BCR: variants seen among roughly 807,000 people sequenced by gnomAD.
The protein encoded by BCR is breakpoint cluster region protein.
A neutral mutation model predicts 138.6 loss-of-function variants in BCR; 58 were observed. The observed-to-expected ratio is 0.42, with a 90% CI of 0.34 to 0.52. The LOEUF (loss-of-function observed/expected upper bound fraction) is 0.52. Ranked by LOEUF, BCR falls within the 20% of genes least tolerant of loss-of-function variation. The probability of loss-of-function intolerance (pLI) is 0.06; values close to 1 mark genes in which losing one functional copy is unlikely to be tolerated. For synonymous variants in BCR, 786 were observed against 730.1 expected, an observed-to-expected ratio of 1.08 and a Z score of -1.23; for missense variants, 1,599 against 1,727.2, an observed-to-expected ratio of 0.93 and a Z score of 1.32.
chr22:23,278,038 T>G (rs550619791), intron 8 of BCR, among the ~76,000 whole-genome samples: 6 of 152,340 alleles, frequency 3.9e-5, no homozygotes, highest in African/African-American at 1.4e-4. Flanking sequence ...TTCTGAGGGC[T>G]GGTGGGTGGC....
Position 23,181,381 on chromosome 22 carries a change from G to T in BCR, c.421G>T (p.Glu141Ter). ...ARRPGAAASG[E>*]RDDRGPPASV... ...CAGGCCCGGGGCAGCCGCGTCGGGG[G>T]AACGGGACGACCGGGGACCCCCCGC... The change falls in exon 1 of 23, where the codon GAA (glutamate) becomes TAA (stop). Residue 141 changes from glutamate to a stop codon, truncating the protein, a stop_gained. Coordinates refer to ENST00000305877, the MANE Select transcript of BCR (RefSeq NM_004327.4). LOFTEE classifies it high-confidence loss of function. 6.5e-7 allele frequency: 1 copy of T among 1,538,530 alleles called. No individual in the cohort carries two copies.
At chr22:23,285,312 C>A (rs2073699724) in intron 10 of BCR, 111 bp downstream of exon 10, 2 of 1,196,554 alleles carry the variant, frequency 1.7e-6, no homozygotes, top group Non-Finnish European at 2.3e-6. Context: ...CAGGTCTGGT[C>A]TCTGGGACCC....
chr22:23,276,017 C>T (rs973522844), intron 8 of BCR, among the ~76,000 whole-genome samples: 24 of 152,170 alleles, frequency 1.6e-4, no homozygotes, highest in African/African-American at 5.6e-4. Flanking sequence ...CCTAGGCCCT[C>T]GTTCCTGCAT....
chr22:23,214,972 G>A (rs2072734463), intron 1 of BCR, among the ~76,000 whole-genome samples: 1 of 152,074 alleles, frequency 6.6e-6, no homozygotes, highest in Non-Finnish European at 1.5e-5. Context: ...CCCATTTATA[G>A]CCAGTAAACA....
At chr22:23,302,665 AG>A (rs1215454058) in intron 16 of BCR, 1 of 152,210 alleles carries the variant, frequency 6.6e-6, no homozygotes, top group African/African-American at 2.4e-5. Flanking sequence ...TCCACGGGGG[AG>A]AAAGAGGCCA....
intron 1 of BCR, among the ~76,000 whole-genome samples, chr22:23,195,512 G>A (rs1052542582): frequency 1.3e-5 from 2 of 151,382 alleles, no homozygotes; most frequent in African/African-American, 4.9e-5. Flanking sequence ...AGAATTGTTT[G>A]AACCCGAGAG....
rs781470082 is a variant in BCR, at chr22:23,309,451, G to C, written c.3040G>C (p.Asp1014His). 1 of 1,604,500 alleles carries C rather than the reference G, an allele frequency of 6.2e-7. No homozygotes were observed. The highest frequency in any genetic ancestry group is 1.1e-5 in the South Asian group (1 of 89,290). The change falls in exon 17 of 23, where the codon GAC becomes CAC. Residue 1014 changes from aspartate to histidine, a missense_variant. Physicochemically the swap from Asp to His is moderately conservative, Grantham distance 81 (BLOSUM62 -1). Coordinates refer to ENST00000305877, the MANE Select transcript of BCR (RefSeq NM_004327.4). The stretch of plus-strand genomic sequence containing the variant: ...GGACCCGCAGGCCCTGCAGGACAGA[G>C]ACTGGCAGCGCACCGTCATCGCCAT... ...QLDPQALQDR[D>H]WQRTVIAMNG... is the part of the protein sequence containing the mutation.
chr22:23,240,302 CGTGTGT>C (rs200491524), intron 1 of BCR, among the ~76,000 whole-genome samples: 48,910 of 143,942 alleles, frequency 0.34, 8,241 homozygotes, highest in Non-Finnish European at 0.39. Context: ...CCTGGCTGAT[CGTGTGT>C]GTGTGTGTGT....
intron 10 of BCR, among the ~76,000 whole-genome samples, chr22:23,285,934 C>T (rs1034902012): frequency 1.3e-5 from 2 of 152,214 alleles, no homozygotes; most frequent in Non-Finnish European, 2.9e-5. Context: ...CTCAGTCAGC[C>T]GGGCGGGAGA....
chr22:23,228,554 G>A (rs1568943567), intron 1 of BCR, among the ~76,000 whole-genome samples: 4 of 152,152 alleles, frequency 2.6e-5, no homozygotes, highest in South Asian at 4.1e-4. Flanking sequence ...AGGCCTTATA[G>A]GGCTAAGTCT....
chr22:23,236,966 A>C (rs1050037826), intron 1 of BCR, among the ~76,000 whole-genome samples: 2 of 152,198 alleles, frequency 1.3e-5, no homozygotes, highest in African/African-American at 4.8e-5. Flanking sequence ...GATTGAGCCA[A>C]GCTGTTATTC....
At chr22:23,311,570 C>T (rs2074008139) in intron 18 of BCR, 127 bp from the exon 19 acceptor site, 2 of 673,540 alleles carry the variant, frequency 3.0e-6, no homozygotes, top group South Asian at 3.6e-5. Context: ...CTGTGTGCAG[C>T]CCCAGACCTG....
At chr22:23,207,250 G>A (rs1236951080) in intron 1 of BCR, among the ~76,000 whole-genome samples, 2 of 152,170 alleles carry the variant, frequency 1.3e-5, no homozygotes, top group Admixed American at 1.3e-4. Flanking sequence ...TGGGATGGAA[G>A]TGAGTACCAA....
chr22:23,204,126 C>T (rs1188516645), intron 1 of BCR, among the ~76,000 whole-genome samples: 1 of 152,176 alleles, frequency 6.6e-6, no homozygotes, highest in Non-Finnish European at 1.5e-5. Context: ...TCAGCACTGA[C>T]TAGTCGTCCT....
In BCR at chr22:23,252,757, A is replaced by AC. The variant is rs573666826; in HGVS notation, c.1280-1036dup. Among the ~76,000 whole-genome samples the AC allele has an allele frequency of 9.2e-5, 14 of 151,678 alleles. No homozygotes were observed. The East Asian group carries it at 2.1e-3, about 23-fold the overall frequency. Reference sequence around the variant, plus strand: ...GGGTCCCCCTTTCTATAGCAACCCAACCCCCCTGTATGGGGGAGAACCAAC... The same window carrying AC: ...GGGTCCCCCTTTCTATAGCAACCCAACCCCCCCTGTATGGGGGAGAACCAAC... On this transcript the variant is annotated intron_variant, in intron 1 of 22. Coordinates refer to ENST00000305877, the MANE Select transcript of BCR (RefSeq NM_004327.4).
chr22:23,288,509 C>T (rs1325737820), intron 12 of BCR, among the ~76,000 whole-genome samples: 1 of 151,796 alleles, frequency 6.6e-6, no homozygotes, highest in South Asian at 2.1e-4. Flanking sequence ...GCTGCCCATA[C>T]ACCGCACCCC....
intron 14 of BCR, 55 bp downstream of exon 14, chr22:23,290,468 A>G: frequency 1.3e-6 from 2 of 1,554,112 alleles, no homozygotes; most frequent in South Asian, 1.1e-5. Flanking sequence ...GTCTCCACCC[A>G]GGAAGGACTC....
At chr22:23,211,178 T>C (rs971286502) in intron 1 of BCR, among the ~76,000 whole-genome samples, 2 of 152,066 alleles carry the variant, frequency 1.3e-5, no homozygotes, top group Non-Finnish European at 2.9e-5. Flanking sequence ...GGTGACAGAG[T>C]TCTTAGAGCT....
intron 16 of BCR, among the ~76,000 whole-genome samples, chr22:23,295,891 C>G (rs976604272): frequency 6.6e-6 from 1 of 152,074 alleles, no homozygotes; most frequent in Admixed American, 6.5e-5. Flanking sequence ...AAGCCCTGAT[C>G]GTGCTTTCCT....
Sources: allele counts gnomAD v4.1 joint callset (sites outside exome capture counted in the v4.1 genomes callset), GRCh38; gene constraint gnomAD v4.1.1; transcripts MANE v1.5; gene names NCBI Gene and HGNC (gene_info 2026-07-23, HGNC 2026-07-21).